TTI1: variants seen among roughly 807,000 people sequenced by gnomAD.
TTI1 encodes the protein TELO2 interacting protein 1, also known as TELO2-interacting protein 1 homolog.
Under a neutral mutation model 85.4 loss-of-function variants are expected in TTI1, and 52 were observed. That is an observed-to-expected ratio of 0.61 (90% CI 0.49 to 0.77). The LOEUF is 0.77. TTI1 is among the 30% of genes least tolerant of loss of function. TTI1 has a pLI of 0.00. For missense variants in TTI1, 1,173 were observed against 1,296.0 expected (o/e 0.91, Z 1.46); for synonymous variants, 512 against 503.9 (o/e 1.02, Z -0.22).
At position 38,006,304 on chromosome 20, in the gene TTI1, A is replaced by T; in HGVS notation, c.2396T>A (p.Leu799His). Residue 799 changes from leucine to histidine, a missense_variant, in exon 3 of 8, where the codon CTT (leucine) becomes CAT (histidine). Transcript: ENST00000373447. ...GSHLNQRPAA[L>H]EKSTTTAEDI... ...TTCAGCTGTGGTGGTGCTCTTCTCA[A>T]GAGCTGCTGGTCTTTGGTTCAAATG... 6.2e-7 allele frequency: 1 copy of T among 1,614,050 alleles called. No homozygotes were observed. Among genetic ancestry groups the T allele is most frequent in the Non-Finnish European group, 8.5e-7 (1 of 1,179,924 alleles).
intron 1 of TTI1, among the ~76,000 whole-genome samples, chr20:38,023,447 C>T (rs35291442): frequency 6.6e-6 from 1 of 152,124 alleles, no homozygotes; most frequent in Admixed American, 6.5e-5. Flanking sequence ...CCCATGGCCA[C>T]TGAGGTGTGG....
chr20:37,997,520 C>CA (rs2073360261), intron 5 of TTI1, among the ~76,000 whole-genome samples: 1 of 151,760 alleles, frequency 6.6e-6, no homozygotes, highest in African/African-American at 2.4e-5. Flanking sequence ...ACATCACCCT[C>CA]ATTCTATCTT....
chr20:38,032,958 A>T (rs1282347960), intron 1 of TTI1, among the ~76,000 whole-genome samples: 1 of 152,138 alleles, frequency 6.6e-6, no homozygotes, highest in Non-Finnish European at 1.5e-5. Flanking sequence ...AGTCAACTGG[A>T]CCCGCAGACG....
At chr20:38,028,936 G>A (rs1033777801) in intron 1 of TTI1, among the ~76,000 whole-genome samples, 67 of 152,182 alleles carry the variant, frequency 4.4e-4, no homozygotes, top group African/African-American at 1.6e-3. Flanking sequence ...TGAACTCCTA[G>A]GCTCAAGTGA....
chr20:38,000,450 G>A lies in TTI1; in HGVS notation c.2653-1122C>T, dbSNP rs180858467. The stretch of plus-strand genomic sequence containing the variant: ...CAGTGTCACAGGCAGCGGTCAGTAC[G>A]ACGGCCAGCGCAGGCTTCCCTCCCG... On this transcript the variant is annotated intron_variant, in intron 4 of 7. Transcript: ENST00000373447. 1,162 of 155,398 alleles carry A rather than the reference G, an allele frequency of 7.5e-3. 16 individuals are homozygous for A. Among genetic ancestry groups the A allele is most frequent in the African/African-American group, 0.025 (1,032 of 41,610 alleles). The allele number at this position is 155,398 out of a possible 1,614,324, so 9.6% of individuals were successfully genotyped here. A position where few individuals can be genotyped will look rare whatever the true frequency, so the allele number is the denominator to read the frequency against.
chr20:38,020,599 T>A (rs971566865), intron 1 of TTI1, among the ~76,000 whole-genome samples: 1 of 151,574 alleles, frequency 6.6e-6, no homozygotes. Flanking sequence ...TTGCTATATA[T>A]CTGACAAAAC....
At chr20:38,014,045 T>C in intron 1 of TTI1, 188 bp from the exon 2 acceptor site, 1 of 567,972 alleles carries the variant, frequency 1.8e-6, no homozygotes, top group Non-Finnish European at 3.0e-6. Context: ...CAATAAAGTC[T>C]CTTCAGGATT....
intron 4 of TTI1, 104 bp from the exon 5 acceptor site, chr20:37,999,432 TA>T (rs2073389544): frequency 1.6e-6 from 2 of 1,238,304 alleles, no homozygotes; most frequent in Non-Finnish European, 2.1e-6. Flanking sequence ...ATTAATTGGA[TA>T]ATTGTTTTCT....
At chr20:37,987,205 C>T (rs2073202921) in intron 7 of TTI1, 1 of 456,640 alleles carries the variant, frequency 2.2e-6, no homozygotes, top group Non-Finnish European at 4.4e-6. Flanking sequence ...ACTCTGGTGT[C>T]ACTTTGTCCT....
At chr20:38,030,562 C>CACACACACACACACACACA (rs11474348) in intron 1 of TTI1, among the ~76,000 whole-genome samples, 2 of 150,972 alleles carry the variant, frequency 1.3e-5, no homozygotes, top group African/African-American at 4.9e-5. Context: ...CACACACACA[C>CACACACACACACACACACA]CATGATAAAG....
chr20:37,986,819 C>T (rs1020773440), intron 7 of TTI1, among the ~76,000 whole-genome samples: 1 of 152,222 alleles, frequency 6.6e-6, no homozygotes, highest in Admixed American at 6.5e-5. Flanking sequence ...CACTACCATG[C>T]CATGGATAAT....
In TTI1 at chr20:38,014,636, A is replaced by G. The variant is rs1345197354; in HGVS notation, c.-41-779T>C. On this transcript the variant is annotated intron_variant, in intron 1 of 7. Transcript: ENST00000373447. ...GATGGGAAAACTGGGAGCACACACT[A>G]TCACAGAACACACAGGAGAAGACAG... is the stretch of plus-strand genomic sequence containing the variant. Among the ~76,000 whole-genome samples the G allele has an allele frequency of 2.0e-5, 3 of 152,214 alleles. No homozygotes were observed. In the East Asian group the frequency reaches 5.8e-4, roughly 29 times the overall value.
At chr20:37,984,054 A>T (rs2073158333) in intron 7 of TTI1, among the ~76,000 whole-genome samples, 1 of 152,182 alleles carries the variant, frequency 6.6e-6, no homozygotes, top group Non-Finnish European at 1.5e-5. Context: ...GGCCCAGGGC[A>T]GGGCTCCCTG....
chr20:37,998,853 T>C (rs755471735), intron 5 of TTI1, among the ~76,000 whole-genome samples: 1 of 152,292 alleles, frequency 6.6e-6, no homozygotes, highest in Middle Eastern at 3.4e-3. Context: ...AGCTGTTCGA[T>C]TGTGAGAAAA....
Position 38,012,255 on chromosome 20 carries a change from T to C in TTI1, c.1562A>G (p.Gln521Arg), listed in dbSNP as rs1160692660. Residue 521 changes from glutamine (Q) to arginine (R), a missense_variant, in exon 2 of 8, where the codon CAA becomes CGA. Gln to Arg is a conservative substitution (Grantham distance 43, BLOSUM62 1). Transcript: ENST00000373447. ...LYHQSVVYRK[Q>R]AAMILNELVT... ...CAGTTCATTAAGGATCATGGCAGCT[T>C]GCTTCCGGTAAACCACAGATTGATG... 6.2e-7 allele frequency: 1 copy of C among 1,614,238 alleles called. No individual in the cohort carries two copies. Among genetic ancestry groups the C allele is most frequent in the Admixed American group, 1.7e-5 (1 of 60,024 alleles).
chr20:38,013,431 G>A lies in TTI1; in HGVS notation c.386C>T (p.Thr129Ile), dbSNP rs752775453. 5.0e-6 allele frequency: 8 copies of A among 1,614,040 alleles called. No individual in the cohort carries two copies. Among genetic ancestry groups the A allele is most frequent in the Non-Finnish European group, 5.9e-6 (7 of 1,180,044 alleles). Residue 129 changes from threonine (T) to isoleucine (I), a missense_variant, in exon 2 of 8, where the codon ACA becomes ATA. Thr to Ile is a moderately conservative substitution (Grantham distance 89). Coordinates refer to ENST00000373447, the MANE Select transcript of TTI1 (RefSeq NM_001303457.2). ...LKLAVIQGLSTLMHSAYGDII... is the reference protein window; with the variant it reads ...LKLAVIQGLSILMHSAYGDII... ...GTCCCCATAAGCTGAGTGCATTAAT[G>A]TGCTAAGTCCCTGGATCACAGCCAA...
At chr20:37,999,124 C>G in intron 5 of TTI1, 64 bp downstream of exon 5, 1 of 1,315,586 alleles carries the variant, frequency 7.6e-7, no homozygotes, top group Non-Finnish European at 9.8e-7. Context: ...CAAAAGGCCC[C>G]GGTGAGCTCT....
At chr20:38,024,284 C>T (rs2073808349) in intron 1 of TTI1, among the ~76,000 whole-genome samples, 1 of 152,030 alleles carries the variant, frequency 6.6e-6, no homozygotes, top group East Asian at 1.9e-4. Context: ...ATTCTGTTCA[C>T]ACACACACAT....
At chr20:37,989,665 C>T (rs1263442213) in intron 7 of TTI1, among the ~76,000 whole-genome samples, 4 of 152,216 alleles carry the variant, frequency 2.6e-5, no homozygotes, top group Non-Finnish European at 5.9e-5. Context: ...CTGACTCGGA[C>T]CTTTCCCCCA....
Sources: allele counts gnomAD v4.1 joint callset (sites outside exome capture counted in the v4.1 genomes callset), GRCh38; gene constraint gnomAD v4.1.1; transcripts MANE v1.5; gene names NCBI Gene and HGNC (gene_info 2026-07-23, HGNC 2026-07-21).